The following SLC6A2 variants were observed in gnomAD, a reference collection of about 807,000 sequenced individuals.
SLC6A2 encodes sodium-dependent noradrenaline transporter.
In SLC6A2, 26 loss-of-function variants were observed where a neutral mutation model predicts 71.7. That is an observed-to-expected ratio of 0.36 (90% CI 0.27 to 0.50). The LOEUF is 0.50. SLC6A2 is among the 20% of genes least tolerant of loss of function. The pLI, the probability that SLC6A2 is intolerant of heterozygous loss-of-function variation, is 0.96. For synonymous variants in SLC6A2, 363 were observed against 337.9 expected (o/e 1.07, Z -0.82); for missense variants, 581 against 803.9 (o/e 0.72, Z 3.35).
At chr16:55,663,656 T>G (rs1177235091) in intron 2 of SLC6A2, among the ~76,000 whole-genome samples, 3 of 152,186 alleles carry the variant, frequency 2.0e-5, no homozygotes, top group Non-Finnish European at 4.4e-5. Context: ...TATCTATCTA[T>G]CCATCTGTCT....
rs1966058966 is a variant in SLC6A2, at chr16:55,704,431, T to A, written c.*2085T>A. 6.6e-6 allele frequency: 1 copy of A among 152,196 alleles called. No homozygotes were observed. The highest frequency in any genetic ancestry group is 2.4e-5 in the African/African-American group (1 of 41,452). The allele number at this position is 152,196 out of a possible 1,614,324, so 9.4% of individuals were successfully genotyped here. ...CAATAGGGTTCACCCCACCCAGGAC[T>A]GTCATTTTTAAAAAACTCATTCAAA... On this transcript the variant is annotated 3_prime_UTR_variant, in exon 15 of 15. Transcript: ENST00000568943.
In SLC6A2 at chr16:55,705,283, C is replaced by T. The variant is rs772051671; in HGVS notation, c.*2937C>T. On this transcript the variant is annotated 3_prime_UTR_variant, in exon 15 of 15. Transcript: ENST00000568943. ...CAGATATCCTGCTGAACAGAAATCC[C>T]TGAAGCTGCCTTAATTCTCAAAAGG... 3.9e-6 allele frequency: 6 copies of T among 1,530,840 alleles called. No individual in the cohort carries two copies. Among genetic ancestry groups the T allele is most frequent in the Non-Finnish European group, 2.6e-6 (3 of 1,142,688 alleles). 94.8% of individuals were successfully genotyped at this position (1,530,840 alleles called of 1,614,324 possible).
chr16:55,658,880 C>T (rs1290808227), intron 2 of SLC6A2, among the ~76,000 whole-genome samples: 1 of 152,186 alleles, frequency 6.6e-6, no homozygotes, highest in African/African-American at 2.4e-5. Context: ...GTGAAACTTT[C>T]CCACCTTTGG....
chr16:55,665,581 C>T (rs1402154726), intron 2 of SLC6A2, among the ~76,000 whole-genome samples: 1 of 152,092 alleles, frequency 6.6e-6, no homozygotes, highest in East Asian at 1.9e-4. Context: ...TCAGGGGAGC[C>T]TCTCTCCTTC....
chr16:55,673,728 A>C (rs1322668817), intron 4 of SLC6A2, among the ~76,000 whole-genome samples: 1 of 151,900 alleles, frequency 6.6e-6, no homozygotes, highest in African/African-American at 2.4e-5. Flanking sequence ...TGCCTGGCTA[A>C]TTTTTGTATT....
At chr16:55,670,321 C>T (rs942918186) in intron 3 of SLC6A2, among the ~76,000 whole-genome samples, 3 of 152,138 alleles carry the variant, frequency 2.0e-5, no homozygotes, top group East Asian at 1.9e-4. Context: ...GCCTCTTCTC[C>T]GCTGGCACGT....
intron 3 of SLC6A2, 63 bp from the exon 4 acceptor site, chr16:55,671,874 CA>C (rs1567436546): frequency 6.2e-7 from 1 of 1,610,410 alleles, no homozygotes; most frequent in South Asian, 1.1e-5. Flanking sequence ...GAGCCACACC[CA>C]AGGAGAGGTG....
chr16:55,682,691 TG>T (rs1965312468), intron 4 of SLC6A2, among the ~76,000 whole-genome samples: 1 of 152,122 alleles, frequency 6.6e-6, no homozygotes, highest in Non-Finnish European at 1.5e-5. Flanking sequence ...CCACAGGAAC[TG>T]GAAGAGTTGA....
intron 2 of SLC6A2, among the ~76,000 whole-genome samples, chr16:55,667,288 G>A (rs148837428): frequency 6.6e-6 from 1 of 152,310 alleles, no homozygotes; most frequent in Non-Finnish European, 1.5e-5. Flanking sequence ...GGCAGAGTGG[G>A]GCTGCGCCAG....
intron 3 of SLC6A2, 114 bp from the exon 4 acceptor site, chr16:55,671,824 G>T (rs1258740105): frequency 1.9e-6 from 3 of 1,547,110 alleles, no homozygotes; most frequent in Admixed American, 3.8e-5. Context: ...CCGCTGTTCT[G>T]CAGGAAACGA....
intron 2 of SLC6A2, among the ~76,000 whole-genome samples, chr16:55,665,158 G>A (rs1403364473): frequency 6.6e-6 from 1 of 152,214 alleles, no homozygotes; most frequent in Non-Finnish European, 1.5e-5. Context: ...ATTCCAGCCT[G>A]GAGCTCCAAG....
chr16:55,674,514 T>C (rs577719377), intron 4 of SLC6A2, among the ~76,000 whole-genome samples: 1 of 151,022 alleles, frequency 6.6e-6, no homozygotes, highest in Non-Finnish European at 1.5e-5. Flanking sequence ...AACCTCTGTG[T>C]CCCAGGTTCA....
rs1964438130 is a variant in SLC6A2 at position 55,656,073 on chromosome 16, A to T, written c.-148A>T. 6.6e-6 allele frequency: 1 copy of T among 152,378 alleles called. No individual in the cohort carries two copies. The highest frequency in any genetic ancestry group is 2.1e-4 in the South Asian group (1 of 4,820). The allele number at this position is 152,378 out of a possible 1,614,324, so 9.4% of individuals were successfully genotyped here. On this transcript the variant is annotated 5_prime_UTR_variant, in exon 1 of 15. Coordinates refer to ENST00000568943, the MANE Select transcript of SLC6A2 (RefSeq NM_001172501.3). This position sits in a 1 kb window ranked among gnomAD's most constrained non-coding sequence, Gnocchi z 4.5. Reference sequence around the variant, plus strand: ...GCCCCGCCCGAACGCCACACGGCGGAGCCCAGCCCCAGCCCGCGCCCTAGA... The same window carrying T: ...GCCCCGCCCGAACGCCACACGGCGGTGCCCAGCCCCAGCCCGCGCCCTAGA...
At chr16:55,691,305 C>T (rs1188327745) in intron 5 of SLC6A2, among the ~76,000 whole-genome samples, 5 of 141,554 alleles carry the variant, frequency 3.5e-5, no homozygotes, top group African/African-American at 5.4e-5. Flanking sequence ...AATATCCTGC[C>T]AGTCAGATAG....
chr16:55,684,300 C>CAAAAAA (rs34610275), intron 4 of SLC6A2, among the ~76,000 whole-genome samples: 1 of 133,016 alleles, frequency 7.5e-6, no homozygotes, highest in African/African-American at 2.9e-5. Context: ...GAGCCTGTCT[C>CAAAAAA]AAAAAAAAAA....
In SLC6A2 at chr16:55,672,047, C is replaced by T. The variant is rs1235347774; in HGVS notation, c.516C>T (p.Pro172=). The T allele has an allele frequency of 3.7e-6, 6 of 1,614,192 alleles. No homozygotes were observed. Among genetic ancestry groups the T allele is most frequent in the Non-Finnish European group, 5.1e-6 (6 of 1,180,040 alleles). ...YLFSSFTLNL[P]WTDCGHTWNS... is the part of the protein sequence containing the mutation. ...TCTCCTCCTTCACCCTCAACCTGCC[C>T]TGGACCGACTGTGGCCACACCTGGA... Residue 172 remains proline, a synonymous_variant, in exon 4 of 15, where the codon CCC becomes CCT. Coordinates refer to ENST00000568943, the MANE Select transcript of SLC6A2 (RefSeq NM_001172501.3).
At chr16:55,663,287 G>A (rs562767088) in intron 2 of SLC6A2, among the ~76,000 whole-genome samples, 2 of 152,306 alleles carry the variant, frequency 1.3e-5, no homozygotes, top group South Asian at 2.1e-4. Context: ...AGGTGTTTGG[G>A]TCATGAGAGT....
rs1319042372 is a variant in SLC6A2, at chr16:55,677,522, G to T, written c.644+5347G>T. ...GAGACACCCAGCCAGAGGGAGAGGT[G>T]AGATAGGTTTTGAGACCCTACTTAC... is the stretch of plus-strand genomic sequence containing the variant. On this transcript the variant is annotated intron_variant, in intron 4 of 14. Transcript: ENST00000568943. 2.0e-5 allele frequency among the ~76,000 whole-genome samples: 3 copies of T among 152,114 alleles called. No homozygotes were observed. The East Asian group carries it at 5.8e-4, about 29-fold the overall frequency.
chr16:55,677,806 T>C (rs553283052), intron 4 of SLC6A2, among the ~76,000 whole-genome samples: 2 of 152,236 alleles, frequency 1.3e-5, no homozygotes, highest in Admixed American at 1.3e-4. Context: ...ACTATAAGCA[T>C]GTACCACCAC....
Sources: allele counts gnomAD v4.1 joint callset (sites outside exome capture counted in the v4.1 genomes callset), GRCh38; gene constraint gnomAD v4.1.1; non-coding constraint Gnocchi (gnomAD v3.1); transcripts MANE v1.5; gene names NCBI Gene and HGNC (gene_info 2026-07-23, HGNC 2026-07-21).